DNAH12: variants seen among roughly 807,000 people sequenced by gnomAD.
DNAH12 encodes dynein axonemal heavy chain 12.
A neutral mutation model predicts 371.5 loss-of-function variants in DNAH12; 285 were observed. The ratio of observed to expected loss-of-function variants is 0.77; its 90% CI spans 0.70 to 0.85. The LOEUF (loss-of-function observed/expected upper bound fraction) is 0.85. DNAH12 is among the 40% of genes least tolerant of loss of function. The pLI, the probability that DNAH12 is intolerant of heterozygous loss-of-function variation, is 0.00. For missense variants in DNAH12, 3,611 were observed against 3,689.4 expected (o/e 0.98, Z 0.55); for synonymous variants, 1,200 against 1,213.0 (o/e 0.99, Z 0.22).
chr3:57,492,323 G>C (rs1257936112), intron 11 of DNAH12, among the ~76,000 whole-genome samples: 1 of 151,960 alleles, frequency 6.6e-6, no homozygotes, highest in Non-Finnish European at 1.5e-5. Context: ...AGCTGGGCGT[G>C]GTGGTGCATA....
At chr3:57,330,241 C>T (rs2062062315) in intron 62 of DNAH12, among the ~76,000 whole-genome samples, 1 of 151,488 alleles carries the variant, frequency 6.6e-6, no homozygotes, top group Admixed American at 6.6e-5. Context: ...ATAAATCATG[C>T]TGCTATAAAG....
rs1553681972 is a variant in DNAH12 at position 57,408,433 on chromosome 3, A to G, written c.6123T>C (p.Cys2041=). 6.4e-7 allele frequency: 1 copy of G among 1,551,614 alleles called. No homozygotes were observed. Among genetic ancestry groups the G allele is most frequent in the Non-Finnish European group, 8.7e-7 (1 of 1,146,926 alleles). Reference sequence around the variant, plus strand: ...TACTGCAGATGTTGAAATGTCGAATACAACGGGGAGTAACTGGATTTCTTC... The same window carrying G: ...TACTGCAGATGTTGAAATGTCGAATGCAACGGGGAGTAACTGGATTTCTTC... ...GGGRNPVTPR[C]IRHFNICSIN... Residue 2041 remains cysteine (C), a synonymous_variant, in exon 40 of 74, where the codon TGT becomes TGC. Coordinates refer to ENST00000495027, the MANE Select transcript of DNAH12 (RefSeq NM_001366028.2).
intron 65 of DNAH12, among the ~76,000 whole-genome samples, chr3:57,317,591 T>C (rs1323143472): frequency 1.3e-5 from 2 of 152,206 alleles, no homozygotes; most frequent in Non-Finnish European, 2.9e-5. Flanking sequence ...AATGGGCATT[T>C]AGGATGTTTC....
intron 15 of DNAH12, 89 bp from the exon 16 acceptor site, chr3:57,470,725 G>A (rs1020108409): frequency 3.6e-6 from 4 of 1,108,078 alleles, no homozygotes; most frequent in African/African-American, 1.6e-5. Context: ...ATATGTCCTT[G>A]TATTTATACA....
rs1220976632 is a variant in DNAH12, at chr3:57,501,331, T to G, written c.1325A>C (p.Glu442Ala). Reference protein sequence around the residue: ...TFQTEDHTFDEYTEFIEKFLS... With the variant: ...TFQTEDHTFDAYTEFIEKFLS... ...AGAATTACCGCTTACCTCTGTATAT[T>G]CATCAAAAGTATGATCTTCTGTCTG... is the stretch of plus-strand genomic sequence containing the variant. The change falls in exon 11 of 74, where the codon GAA becomes GCA. Residue 442 changes from glutamate (E) to alanine (A), a missense_variant. By Grantham distance (107) the Glu-to-Ala change is moderately radical. Transcript: ENST00000495027. 1 of 1,598,624 alleles carries G rather than the reference T, an allele frequency of 6.3e-7. No homozygotes were observed. The highest frequency in any genetic ancestry group is 1.4e-5 in the African/African-American group (1 of 73,946).
At chr3:57,384,406 G>C (rs1160790522) in intron 49 of DNAH12, among the ~76,000 whole-genome samples, 3 of 152,154 alleles carry the variant, frequency 2.0e-5, no homozygotes, top group Non-Finnish European at 4.4e-5. Context: ...GGAGGCCAAG[G>C]TGGGAGGATC....
At chr3:57,377,479 C>CA (rs1380081615) in intron 52 of DNAH12, among the ~76,000 whole-genome samples, 3 of 151,990 alleles carry the variant, frequency 2.0e-5, no homozygotes, top group Non-Finnish European at 2.9e-5. Context: ...AAATATGTAG[C>CA]AAAAATGTCA....
At chr3:57,323,700 GA>G in intron 62 of DNAH12, 81 bp from the exon 63 acceptor site, 1 of 1,359,224 alleles carries the variant, frequency 7.4e-7, no homozygotes, top group Admixed American at 3.3e-5. Context: ...AAACAACAAA[GA>G]ATACAATTTG....
intron 60 of DNAH12, among the ~76,000 whole-genome samples, chr3:57,347,874 C>T (rs2062579611): frequency 6.6e-6 from 1 of 152,052 alleles, no homozygotes; most frequent in Non-Finnish European, 1.5e-5. Flanking sequence ...TTAAAATGGC[C>T]ACTTTCCAAA....
intron 55 of DNAH12, among the ~76,000 whole-genome samples, chr3:57,374,278 G>T (rs2063236519): frequency 6.6e-6 from 1 of 152,122 alleles, no homozygotes; most frequent in African/African-American, 2.4e-5. Flanking sequence ...CTCACAGGAT[G>T]TTGTGAAGAT....
intron 4 of DNAH12, among the ~76,000 whole-genome samples, chr3:57,522,419 C>A (rs907175270): frequency 2.0e-5 from 3 of 152,058 alleles, no homozygotes; most frequent in Non-Finnish European, 2.9e-5. Context: ...ATATTAAATA[C>A]ATTTGGCAAT....
At chr3:57,315,643 T>C (rs1056515032) in intron 65 of DNAH12, among the ~76,000 whole-genome samples, 1 of 151,332 alleles carries the variant, frequency 6.6e-6, no homozygotes, top group African/African-American at 2.4e-5. Flanking sequence ...AAGATGCGGG[T>C]GAAGGTGGGT....
intron 39 of DNAH12, among the ~76,000 whole-genome samples, chr3:57,412,969 A>C (rs570290434): frequency 3.5e-4 from 54 of 152,236 alleles, no homozygotes; most frequent in Non-Finnish European, 5.0e-4. Flanking sequence ...ACTTATGTCC[A>C]TGTAAAACCT....
intron 25 of DNAH12, among the ~76,000 whole-genome samples, chr3:57,452,526 C>T (rs1435125831): frequency 6.6e-6 from 1 of 152,150 alleles, no homozygotes; most frequent in Non-Finnish European, 1.5e-5. Context: ...CCTGTCATCT[C>T]TCCCAAGACG....
intron 58 of DNAH12, 138 bp from the exon 59 acceptor site, chr3:57,357,486 A>G (rs912411097): frequency 6.6e-6 from 1 of 152,174 alleles, no homozygotes; most frequent in Non-Finnish European, 1.5e-5. Flanking sequence ...TTTACAAGAG[A>G]GGGCTTTATC....
At chr3:57,503,639 G>A (rs1016724855) in intron 9 of DNAH12, among the ~76,000 whole-genome samples, 11 of 151,880 alleles carry the variant, frequency 7.2e-5, no homozygotes, top group African/African-American at 2.4e-4. Context: ...CGCCTGCCTC[G>A]GCCTCCTAAA....
At chr3:57,405,460 G>T (rs1344710268) in intron 41 of DNAH12, among the ~76,000 whole-genome samples, 193 bp downstream of exon 41, 2 of 152,044 alleles carry the variant, frequency 1.3e-5, no homozygotes, top group South Asian at 2.1e-4. Flanking sequence ...ATCACATAAG[G>T]TGTTATTCTT....
intron 2 of DNAH12, among the ~76,000 whole-genome samples, chr3:57,528,852 T>G (rs188554873): frequency 1.7e-3 from 256 of 151,860 alleles, no homozygotes; most frequent in African/African-American, 5.8e-3. Context: ...CAGGCTGGAG[T>G]GCAGTGGCAT....
chr3:57,459,623 T>A lies in DNAH12; in HGVS notation c.2900A>T (p.Asp967Val). Residue 967 changes from aspartate (D) to valine (V), a missense_variant, in exon 20 of 74, where the codon GAT becomes GTT. Physicochemically the swap from Asp to Val is radical, Grantham distance 152. Transcript: ENST00000495027. ...QFQTVDRHWRDIMKFCAKDPK... is the reference protein window; with the variant it reads ...QFQTVDRHWRVIMKFCAKDPK... ...ATCTTTAGCACAAAACTTCATGATA[T>A]CTCTCCAGTGTCTGTCTACTGTCTG... 1 of 1,518,672 alleles carries A rather than the reference T, an allele frequency of 6.6e-7. No homozygotes were observed. Among genetic ancestry groups the A allele is most frequent in the Non-Finnish European group, 8.9e-7 (1 of 1,125,890 alleles). The allele number at this position is 1,518,672 out of a possible 1,614,324, so 94.1% of individuals were successfully genotyped here.
Sources: gnomAD v4.1 joint callset for allele counts (sites outside exome capture counted in the v4.1 genomes callset) on GRCh38, gnomAD v4.1.1 for gene constraint, MANE v1.5 for transcripts, NCBI Gene and HGNC (gene_info 2026-07-23, HGNC 2026-07-21) for gene names.